PRKDC: variants seen among roughly 807,000 people sequenced by gnomAD.
PRKDC encodes protein kinase, DNA-activated, catalytic subunit, also known as DNA-dependent protein kinase catalytic subunit.
A neutral mutation model predicts 486.9 loss-of-function variants in PRKDC; 82 were observed. That is an observed-to-expected ratio of 0.17 (90% CI 0.14 to 0.20). PRKDC has a LOEUF of 0.20. PRKDC is among the 10% of genes least tolerant of loss of function. The pLI is 1.00. For missense variants in PRKDC, 4,504 were observed against 5,038.2 expected (o/e 0.89, Z 3.21); for synonymous variants, 1,895 against 1,837.0 (o/e 1.03, Z -0.81).
rs1384328960 is a variant in PRKDC at position 47,774,104 on chromosome 8, G to A, written c.*69C>T. 6.3e-6 allele frequency: 9 copies of A among 1,431,730 alleles called. No homozygotes were observed. In the East Asian group the frequency reaches 1.8e-4, roughly 28 times the overall value. The allele number at this position is 1,431,730 out of a possible 1,614,324, so 88.7% of individuals were successfully genotyped here. On this transcript the variant is annotated 3_prime_UTR_variant, in exon 86 of 86. Transcript: ENST00000314191. ...TTTCAGGAAAATCAGCTCATGGAAT[G>A]CTGCCAACCAAAGTATAGTAGATTC... is the stretch of plus-strand genomic sequence containing the variant.
At chr8:47,855,421 G>A in intron 49 of PRKDC, 48 bp from the exon 50 acceptor site, 3 of 1,489,464 alleles carry the variant, frequency 2.0e-6, no homozygotes, top group Non-Finnish European at 2.7e-6. Context: ...TTCCATTCTG[G>A]AAAGCATTTT....
In PRKDC at chr8:47,855,376, G is replaced by A. The variant is rs1255198334; in HGVS notation, c.6610-3C>T. 1.3e-6 allele frequency: 2 copies of A among 1,588,558 alleles called. No homozygotes were observed. Among genetic ancestry groups the A allele is most frequent in the Non-Finnish European group, 1.7e-6 (2 of 1,167,216 alleles). On this transcript the variant is annotated splice_region_variant and splice_polypyrimidine_tract_variant and intron_variant, in intron 49 of 85. Coordinates refer to ENST00000314191, the MANE Select transcript of PRKDC (RefSeq NM_006904.7). ...AACACTTCATCTTTAGGGACCCCCTGAAAAGGTACAGAAATTCTGTATTAA... is the reference window on the plus strand; with the variant it reads ...AACACTTCATCTTTAGGGACCCCCTAAAAAGGTACAGAAATTCTGTATTAA...
chr8:47,801,052 A>G (rs989549618), intron 70 of PRKDC, 66 bp from the exon 71 acceptor site: 23 of 1,429,490 alleles, frequency 1.6e-5, no homozygotes, highest in Non-Finnish European at 2.0e-5. Flanking sequence ...AAAAGAAGAA[A>G]TTCATTGTCT....
At chr8:47,906,276 G>C (rs2089779854) in intron 25 of PRKDC, among the ~76,000 whole-genome samples, 1 of 152,132 alleles carries the variant, frequency 6.6e-6, no homozygotes, top group Non-Finnish European at 1.5e-5. Flanking sequence ...GGGCCCAGGA[G>C]GTGGAGGCTT....
Position 47,803,327 on chromosome 8 carries a change from GCA to G in PRKDC, c.9899_9900del (p.Val3300AlafsTer9), listed in dbSNP as rs1563742760. ...TTACCCAACAAAGAGACTGTTTTCA[GCA>G]CAGTGAGCACCTGCTCAGAGCAGCC... is the stretch of plus-strand genomic sequence containing the variant. ...SQGCSEQVLT[V>X]LKTVSLLDEN... On this transcript the variant is annotated frameshift_variant, in exon 70 of 86. Transcript: ENST00000314191. LOFTEE classifies it high-confidence loss of function. 1 of 1,612,442 alleles carries G rather than the reference GCA, an allele frequency of 6.2e-7. No individual in the cohort carries two copies. Among genetic ancestry groups the G allele is most frequent in the South Asian group, 1.1e-5 (1 of 90,830 alleles).
chr8:47,934,179 A>G, intron 14 of PRKDC, 89 bp from the exon 15 acceptor site: 4 of 1,418,476 alleles, frequency 2.8e-6, no homozygotes, highest in Non-Finnish European at 3.8e-6. Context: ...AGAATTTTCT[A>G]AATTAAACTG....
rs2086760807 is a variant in PRKDC at position 47,784,657 on chromosome 8, T to C, written c.11107+456A>G. Among the ~76,000 whole-genome samples, 3 of 152,090 alleles carry C rather than the reference T, an allele frequency of 2.0e-5. No individual in the cohort carries two copies. The South Asian group carries it at 6.2e-4, about 32-fold the overall frequency. ...TGCTGTGCATCTCTATCCTTAATAT[T>C]ATGATCTTTTTTCCTGCAGGTCAGT... is the stretch of plus-strand genomic sequence containing the variant. On this transcript the variant is annotated intron_variant, in intron 77 of 85. Transcript: ENST00000314191.
intron 36 of PRKDC, among the ~76,000 whole-genome samples, chr8:47,885,650 C>A (rs773190975): frequency 6.6e-6 from 1 of 151,906 alleles, no homozygotes; most frequent in South Asian, 2.1e-4. Context: ...CCCAGCACTT[C>A]GGGAGGCCAA....
At chr8:47,873,368 C>G (rs1452635788) in intron 40 of PRKDC, among the ~76,000 whole-genome samples, 1 of 152,006 alleles carries the variant, frequency 6.6e-6, no homozygotes, top group East Asian at 1.9e-4. Context: ...GAAAACCCAT[C>G]TCTACTAAAC....
At chr8:47,823,589 A>AT (rs538957032) in intron 64 of PRKDC, among the ~76,000 whole-genome samples, 45 of 148,840 alleles carry the variant, frequency 3.0e-4, no homozygotes, top group East Asian at 1.2e-3. Flanking sequence ...TTTCTTTATA[A>AT]TTTTTTTTTT....
rs770681527 is a variant in PRKDC, at chr8:47,887,591, G to C, written c.4528C>G (p.Leu1510Val). 6.3e-7 allele frequency: 1 copy of C among 1,597,448 alleles called. No individual in the cohort carries two copies. Among genetic ancestry groups the C allele is most frequent in the South Asian group, 1.1e-5 (1 of 87,770 alleles). Residue 1510 changes from leucine (L) to valine (V), a missense_variant, in exon 35 of 86, where the codon CTG becomes GTG. Around this residue, in one of 6 missense-constraint regions of PRKDC, gnomAD observed 1,969 missense variants for 2,068.9 expected, o/e 0.95. Coordinates refer to ENST00000314191, the MANE Select transcript of PRKDC (RefSeq NM_006904.7). ...LPSLDLSCKQ[L>V]ASGLLELAFA... ...GCTAACTCCAGAAGTCCGCTGGCCA[G>C]CTGCTTACAACTGAGGTCTAGAGAA... is the stretch of plus-strand genomic sequence containing the variant.
chr8:47,836,281 G>A (rs1395844283), intron 58 of PRKDC, 57 bp downstream of exon 58: 3 of 1,386,580 alleles, frequency 2.2e-6, no homozygotes, highest in Non-Finnish European at 2.8e-6. Flanking sequence ...TGTGACAGAA[G>A]CTGCCCACAG....
chr8:47,954,065 GCATT>G, intron 5 of PRKDC, 146 bp from the exon 6 acceptor site: 1 of 522,060 alleles, frequency 1.9e-6, no homozygotes, highest in East Asian at 3.0e-5. Flanking sequence ...TTTTAGGACT[GCATT>G]CTTTCCTAAG....
chr8:47,834,284 T>C lies in PRKDC; in HGVS notation c.8064A>G (p.Leu2688=), dbSNP rs559047437. Residue 2688 remains leucine, a synonymous_variant, in exon 59 of 86, where the codon TTA becomes TTG. Transcript: ENST00000314191. ...CCACTGACTTCAAGGGTGCTCTCTG[T>C]AACCTTTCACTCCTCTTGTGGGCAA... ...LLFAHKRSER[L]QRAPLKSVGP... The C allele has an allele frequency of 9.9e-6, 16 of 1,614,050 alleles. No individual in the cohort carries two copies. The East Asian group carries it at 1.3e-4, about 13-fold the overall frequency.
At chr8:47,951,714 CA>C (rs1485117765) in intron 7 of PRKDC, among the ~76,000 whole-genome samples, 34 of 107,932 alleles carry the variant, frequency 3.2e-4, no homozygotes, top group African/African-American at 8.5e-4. Flanking sequence ...ACCCTGTCTC[CA>C]AAAAAAAAGG....
chr8:47,883,444 C>T (rs770067050), intron 36 of PRKDC, among the ~76,000 whole-genome samples: 3 of 152,162 alleles, frequency 2.0e-5, no homozygotes, highest in Non-Finnish European at 2.9e-5. Flanking sequence ...CCCTCTTCTA[C>T]CTGGAAACTC....
intron 55 of PRKDC, among the ~76,000 whole-genome samples, 200 bp downstream of exon 55, chr8:47,839,816 T>C (rs1440188304): frequency 6.6e-6 from 1 of 151,942 alleles, no homozygotes; most frequent in African/African-American, 2.4e-5. Flanking sequence ...CCACAAAAAA[T>C]AAACAAAATT....
At chr8:47,957,487 C>G (rs945438228) in intron 1 of PRKDC, 56 bp from the exon 2 acceptor site, 1 of 1,385,502 alleles carries the variant, frequency 7.2e-7, no homozygotes, top group African/African-American at 1.4e-5. Flanking sequence ...TCATGTAAAC[C>G]ACTCCTAAAG....
intron 2 of PRKDC, 45 bp from the exon 3 acceptor site, chr8:47,957,308 C>T (rs1480510023): frequency 6.3e-7 from 1 of 1,580,784 alleles, no homozygotes; most frequent in East Asian, 2.2e-5. Flanking sequence ...TAAGAGGAGT[C>T]ACTCCAGGAA....
Sources: allele counts gnomAD v4.1 joint callset (sites outside exome capture counted in the v4.1 genomes callset), GRCh38; gene constraint gnomAD v4.1.1; regional missense constraint gnomAD v4.1.1; transcripts MANE v1.5; gene names NCBI Gene and HGNC (gene_info 2026-07-23, HGNC 2026-07-21).